The following PLCG1 variants were observed in gnomAD, a reference collection of about 807,000 sequenced individuals.
PLCG1 encodes phospholipase C gamma 1, also known as 1-phosphatidylinositol 4,5-bisphosphate phosphodiesterase gamma-1.
PLCG1 carries 71 observed loss-of-function variants against 177.8 expected under a neutral mutation model. That is an observed-to-expected ratio of 0.40 (90% CI 0.33 to 0.49). PLCG1 has a LOEUF of 0.49. Ranked by LOEUF, PLCG1 falls within the 20% of genes least tolerant of loss-of-function variation. The pLI is 0.72. For synonymous variants in PLCG1, 658 were observed against 647.9 expected (o/e 1.02, Z -0.24); for missense variants, 1,281 against 1,709.0 (o/e 0.75, Z 4.42).
In PLCG1 at chr20:41,160,460, C is replaced by T. The variant is rs1240966107; in HGVS notation, c.512+307C>T. Among the ~76,000 whole-genome samples the T allele has an allele frequency of 6.6e-6, 1 of 152,118 alleles. No individual in the cohort carries two copies. Among genetic ancestry groups the T allele is most frequent in the African/African-American group, 2.4e-5 (1 of 41,396 alleles). ...GTGGCCAGTAGCGTGTGAAGGGTGC[C>T]CTGAAACTCTGGCTCTGAGACCTGG... On this transcript the variant is annotated intron_variant, in intron 4 of 31. Coordinates refer to ENST00000685551, the MANE Select transcript of PLCG1 (RefSeq NM_002660.3). The surrounding 1 kb of genome is among the most constrained non-coding windows in gnomAD (Gnocchi z 5.5).
At chr20:41,161,591 G>A (rs1379286641) in intron 4 of PLCG1, among the ~76,000 whole-genome samples, 1 of 152,142 alleles carries the variant, frequency 6.6e-6, no homozygotes, top group African/African-American at 2.4e-5. Flanking sequence ...CAGAGGAGGG[G>A]GCGCCTATAT....
rs878995291 is a variant in PLCG1 at position 41,172,757 on chromosome 20, C to G, written c.3159C>G (p.Leu1053=). The G allele has an allele frequency of 1.2e-6, 2 of 1,614,188 alleles. No homozygotes were observed. Among genetic ancestry groups the G allele is most frequent in the African/African-American group, 1.3e-5 (1 of 75,048 alleles). ...PDKPMQMNQA[L]FMTGRHCGYV... is the part of the protein sequence containing the mutation. ...AGCCTATGCAGATGAACCAGGCCCT[C>G]TTCATGACGGGCAGGCACTGTGGCT... Residue 1053 remains leucine, a synonymous_variant, in exon 27 of 32, where the codon CTC becomes CTG. Coordinates refer to ENST00000685551, the MANE Select transcript of PLCG1 (RefSeq NM_002660.3). This position sits in a 1 kb window ranked among gnomAD's most constrained non-coding sequence, Gnocchi z 7.0.
chr20:41,172,669 G>A lies in PLCG1; in HGVS notation c.3130+24G>A. On this transcript the variant is annotated intron_variant, in intron 26 of 31. Coordinates refer to ENST00000685551, the MANE Select transcript of PLCG1 (RefSeq NM_002660.3). This position sits in a 1 kb window ranked among gnomAD's most constrained non-coding sequence, Gnocchi z 7.0. ...TGGTGAGGAAGTCCCCTGTGAGGAGGGTGAGGAGGGGCACTGTGGGGCAGC... is the reference window on the plus strand; with the variant it reads ...TGGTGAGGAAGTCCCCTGTGAGGAGAGTGAGGAGGGGCACTGTGGGGCAGC... The A allele has an allele frequency of 6.2e-7, 1 of 1,612,972 alleles. No individual in the cohort carries two copies. The highest frequency in any genetic ancestry group is 8.5e-7 in the Non-Finnish European group (1 of 1,179,180).
Position 41,166,447 on chromosome 20 carries a change from T to C in PLCG1, c.2001-29T>C. 6.2e-7 allele frequency: 1 copy of C among 1,613,770 alleles called. No homozygotes were observed. The highest frequency in any genetic ancestry group is 1.3e-5 in the African/African-American group (1 of 75,000). ...GGCAGGGCAGGGCCATGGGTGGTGC[T>C]GGCCGGGCCTGACTCTGCCTGTTCT... On this transcript the variant is annotated intron_variant, in intron 17 of 31. Coordinates refer to ENST00000685551, the MANE Select transcript of PLCG1 (RefSeq NM_002660.3). The surrounding 1 kb of genome is among the most constrained non-coding windows in gnomAD (Gnocchi z 8.6).
chr20:41,140,883 G>A (rs1439236369), intron 1 of PLCG1, among the ~76,000 whole-genome samples: 1 of 152,220 alleles, frequency 6.6e-6, no homozygotes, highest in Non-Finnish European at 1.5e-5. Context: ...CCAAGGTGTT[G>A]TGTCAGTGTG....
rs1041843270 is a variant in PLCG1, at chr20:41,163,982, C to T, written c.1072C>T (p.Arg358Trp). The T allele has an allele frequency of 7.4e-6, 12 of 1,614,032 alleles. No individual in the cohort carries two copies. The highest frequency in any genetic ancestry group is 2.2e-5 in the East Asian group (1 of 44,892). The part of the protein sequence containing the change: ...SSLEAYARCL[R>W]MGCRCIELDC... The stretch of plus-strand genomic sequence containing the variant: ...CTTGGAAGCCTATGCTCGCTGCCTG[C>T]GGATGGGCTGTCGCTGCATTGAGTG... Residue 358 changes from arginine to tryptophan, a missense_variant, in exon 11 of 32, where the codon CGG (arginine) becomes TGG (tryptophan). Physicochemically the swap from Arg to Trp is moderately radical, Grantham distance 101. This residue lies in a region of PLCG1 where 31 missense variants were observed against 82.1 expected (regional missense o/e 0.38). Transcript: ENST00000685551. The surrounding 1 kb of genome is among the most constrained non-coding windows in gnomAD (Gnocchi z 5.2).
In PLCG1 at chr20:41,174,465, A is replaced by G; in HGVS notation, c.3834-2A>G. ...GTAAGGACACTCTTCCCTTCTGTCC[A>G]GGGCCCCAAGAAGGACTCGGGTCAA... On this transcript the variant is annotated splice_acceptor_variant, in intron 31 of 31. Transcript: ENST00000685551. LOFTEE classifies it high-confidence loss of function. This position sits in a 1 kb window ranked among gnomAD's most constrained non-coding sequence, Gnocchi z 5.8. The G allele has an allele frequency of 6.3e-7, 1 of 1,590,060 alleles. No individual in the cohort carries two copies. Among genetic ancestry groups the G allele is most frequent in the Non-Finnish European group, 8.6e-7 (1 of 1,166,700 alleles).
rs562017268 is a variant in PLCG1 at position 41,165,168 on chromosome 20, C to T, written c.1386+67C>T. 1.9e-5 allele frequency: 30 copies of T among 1,603,370 alleles called. No individual in the cohort carries two copies. In the South Asian group the frequency reaches 1.9e-4, roughly 10 times the overall value. ...TGCCTTGCCCAGGCCATGGCTTCAG[C>T]TGTTGGGCCTAAACCTGGGTGAGGA... is the stretch of plus-strand genomic sequence containing the variant. On this transcript the variant is annotated intron_variant, in intron 13 of 31. Coordinates refer to ENST00000685551, the MANE Select transcript of PLCG1 (RefSeq NM_002660.3). The surrounding 1 kb of genome is among the most constrained non-coding windows in gnomAD (Gnocchi z 6.6).
chr20:41,161,294 G>A lies in PLCG1; in HGVS notation c.512+1141G>A, dbSNP rs141436795. Among the ~76,000 whole-genome samples, 195 of 152,246 alleles carry A rather than the reference G, an allele frequency of 1.3e-3. 1 individual carries two copies. In the East Asian group the frequency reaches 0.032, roughly 25 times the overall value. On this transcript the variant is annotated intron_variant, in intron 4 of 31. Coordinates refer to ENST00000685551, the MANE Select transcript of PLCG1 (RefSeq NM_002660.3). ...TTGGATTTAACATGGTGAGAAGAGC[G>A]GTGTCACCCTAGCGGTGAGGGGCTC... is the stretch of plus-strand genomic sequence containing the variant.
In PLCG1 at chr20:41,164,897, G is replaced by A. The variant is rs762379670; in HGVS notation, c.1218-36G>A. 6 of 1,595,320 alleles carry A rather than the reference G, an allele frequency of 3.8e-6. No homozygotes were observed. The highest frequency in any genetic ancestry group is 2.7e-5 in the African/African-American group (2 of 74,612). On this transcript the variant is annotated intron_variant, in intron 12 of 31. Transcript: ENST00000685551. The surrounding 1 kb of genome is among the most constrained non-coding windows in gnomAD (Gnocchi z 6.4). ...GGCTACTTAGACCCAGAGAATTGCAGAATCTGTTTCACTGTGCTTGTCCCC... is the reference window on the plus strand; with the variant it reads ...GGCTACTTAGACCCAGAGAATTGCAAAATCTGTTTCACTGTGCTTGTCCCC...
Position 41,157,200 on chromosome 20 carries a change from G to A in PLCG1, c.218-2406G>A, listed in dbSNP as rs1264097266. Among the ~76,000 whole-genome samples, 1 of 122,576 alleles carries A rather than the reference G, an allele frequency of 8.2e-6. No individual in the cohort carries two copies. The highest frequency in any genetic ancestry group is 3.1e-5 in the African/African-American group (1 of 32,558). The allele number at this position is 122,576 out of a possible 152,430, so 80.4% of individuals were successfully genotyped here. On this transcript the variant is annotated intron_variant, in intron 1 of 31. Transcript: ENST00000685551. This position sits in a 1 kb window ranked among gnomAD's most constrained non-coding sequence, Gnocchi z 5.4. The stretch of plus-strand genomic sequence containing the variant: ...ATATGTGCAGGAGTGCAGGCCTGTT[G>A]ACTCTGTGTGTGTGTGTGTGTGTGT...
chr20:41,168,249 C>A (rs1258729352), intron 20 of PLCG1, among the ~76,000 whole-genome samples: 1 of 152,180 alleles, frequency 6.6e-6, no homozygotes, highest in East Asian at 1.9e-4. Context: ...CCTCATGGAG[C>A]CCTGTTACAC....
chr20:41,139,420 G>A (rs1156425016), intron 1 of PLCG1, among the ~76,000 whole-genome samples: 2 of 152,176 alleles, frequency 1.3e-5, no homozygotes, highest in African/African-American at 4.8e-5. Flanking sequence ...GAAGTTCTCA[G>A]AGATCTCCTG....
rs1458655305 is a variant in PLCG1, at chr20:41,164,643, C to T, written c.1218-290C>T. 5.3e-5 allele frequency among the ~76,000 whole-genome samples: 8 copies of T among 152,068 alleles called. No individual in the cohort carries two copies. The highest frequency in any genetic ancestry group is 4.6e-4 in the Admixed American group (7 of 15,260). On this transcript the variant is annotated intron_variant, in intron 12 of 31. Transcript: ENST00000685551. The surrounding 1 kb of genome is among the most constrained non-coding windows in gnomAD (Gnocchi z 6.4). ...CTAACAGCTAACTTTGGAGGCTTCT[C>T]CTCTCTCCTGGCCTCTTTGGTGTGA...
rs1202809504 is a variant in PLCG1, at chr20:41,160,453, A to T, written c.512+300A>T. On this transcript the variant is annotated intron_variant, in intron 4 of 31. Coordinates refer to ENST00000685551, the MANE Select transcript of PLCG1 (RefSeq NM_002660.3). The surrounding 1 kb of genome is among the most constrained non-coding windows in gnomAD (Gnocchi z 5.5). The stretch of plus-strand genomic sequence containing the variant: ...GGTGAGGGTGGCCAGTAGCGTGTGA[A>T]GGGTGCCCTGAAACTCTGGCTCTGA... 2.6e-5 allele frequency among the ~76,000 whole-genome samples: 4 copies of T among 152,216 alleles called. No homozygotes were observed. The highest frequency in any genetic ancestry group is 4.4e-5 in the Non-Finnish European group (3 of 68,038).
chr20:41,140,536 A>G (rs1442775548), intron 1 of PLCG1, among the ~76,000 whole-genome samples: 1 of 152,122 alleles, frequency 6.6e-6, no homozygotes, highest in Non-Finnish European at 1.5e-5. Flanking sequence ...CCTGAGGGAG[A>G]GACAGTGTGG....
rs2146033135 is a variant in PLCG1 at position 41,160,294 on chromosome 20, G to C, written c.512+141G>C. 1 of 736,284 alleles carries C rather than the reference G, an allele frequency of 1.4e-6. No individual in the cohort carries two copies. Among genetic ancestry groups the C allele is most frequent in the Non-Finnish European group, 2.4e-6 (1 of 420,732 alleles). The allele number at this position is 736,284 out of a possible 1,614,324, so 45.6% of individuals were successfully genotyped here. A position where few individuals can be genotyped will look rare whatever the true frequency, so the allele number is the denominator to read the frequency against. Reference sequence around the variant, plus strand: ...GCCAGGAGGGTGGGCAGAAGGTTCTGCCACGTGTAGCTTTCTGCACAAAGT... The same window carrying C: ...GCCAGGAGGGTGGGCAGAAGGTTCTCCCACGTGTAGCTTTCTGCACAAAGT... On this transcript the variant is annotated intron_variant, in intron 4 of 31. Coordinates refer to ENST00000685551, the MANE Select transcript of PLCG1 (RefSeq NM_002660.3). This position sits in a 1 kb window ranked among gnomAD's most constrained non-coding sequence, Gnocchi z 5.5.
In PLCG1 at chr20:41,163,349, C is replaced by G; in HGVS notation, c.790-29C>G. The G allele has an allele frequency of 6.2e-7, 1 of 1,603,652 alleles. No individual in the cohort carries two copies. The highest frequency in any genetic ancestry group is 8.5e-7 in the Non-Finnish European group (1 of 1,170,988). On this transcript the variant is annotated intron_variant, in intron 8 of 31. Transcript: ENST00000685551. The surrounding 1 kb of genome is among the most constrained non-coding windows in gnomAD (Gnocchi z 5.2). ...GGCTCATCCCTGACTGGAGGCTTCT[C>G]TCATCCCCTGCCCTCCCTACCCCAT...
Position 41,163,119 on chromosome 20 carries a change from C to T in PLCG1, c.717-84C>T. On this transcript the variant is annotated intron_variant, in intron 7 of 31. Transcript: ENST00000685551. This position sits in a 1 kb window ranked among gnomAD's most constrained non-coding sequence, Gnocchi z 5.2. The stretch of plus-strand genomic sequence containing the variant: ...TGCTGGACCATTCTGGGAAGCTGTG[C>T]TGGCTGGGAGTTGGGTTCTGCCTTC... The T allele has an allele frequency of 1.3e-6, 2 of 1,495,072 alleles. No homozygotes were observed. Among genetic ancestry groups the T allele is most frequent in the Non-Finnish European group, 1.9e-6 (2 of 1,080,540 alleles). 92.6% of individuals were successfully genotyped at this position (1,495,072 alleles called of 1,614,324 possible).
Sources: gnomAD v4.1 joint callset for allele counts (sites outside exome capture counted in the v4.1 genomes callset) on GRCh38, gnomAD v4.1.1 for gene constraint, gnomAD v4.1.1 regional missense constraint, Gnocchi (gnomAD v3.1) non-coding constraint, MANE v1.5 for transcripts, NCBI Gene and HGNC (gene_info 2026-07-23, HGNC 2026-07-21) for gene names.